Variants in SLC29A1 observed in about 807,000 individuals in gnomAD.
SLC29A1 encodes solute carrier family 29 member 1 (Augustine blood group).
In SLC29A1, 22 loss-of-function variants were observed where a neutral mutation model predicts 48.3. The ratio of observed to expected loss-of-function variants is 0.46; its 90% CI spans 0.33 to 0.65. The LOEUF (loss-of-function observed/expected upper bound fraction) is 0.65, where lower values mean the gene tolerates loss of function less well. SLC29A1 is among the 30% of genes least tolerant of loss of function. The pLI, the probability that SLC29A1 is intolerant of heterozygous loss-of-function variation, is 0.03. For missense variants in SLC29A1, 491 were observed against 575.3 expected (o/e 0.85, Z 1.50); for synonymous variants, 228 against 231.0 (o/e 0.99, Z 0.12).
At position 44,233,667 on chromosome 6, in the gene SLC29A1, G is replaced by A; in HGVS notation, c.*139G>A. Reference sequence around the variant, plus strand: ...CTTTCCACGGCGTGTGCTGGGCCCGGATCTCCAGGCCCTGGGGAGGGAGCC... The same window carrying A: ...CTTTCCACGGCGTGTGCTGGGCCCGAATCTCCAGGCCCTGGGGAGGGAGCC... On this transcript the variant is annotated 3_prime_UTR_variant, in exon 13 of 13. Transcript: ENST00000371755. The A allele has an allele frequency of 1.5e-6, 1 of 683,626 alleles. No homozygotes were observed. The highest frequency in any genetic ancestry group is 1.7e-5 in the South Asian group (1 of 57,200). The allele number at this position is 683,626 out of a possible 1,614,324, so 42.3% of individuals were successfully genotyped here. A position where few individuals can be genotyped will look rare whatever the true frequency, so the allele number is the denominator to read the frequency against.
At chr6:44,231,597 G>A (rs573983698) in intron 9 of SLC29A1, 136 bp downstream of exon 9, 33 of 645,826 alleles carry the variant, frequency 5.1e-5, no homozygotes, top group Admixed American at 1.6e-4. Flanking sequence ...GTGTGCGTGC[G>A]TGCCCATGCG....
Position 44,231,457 on chromosome 6 carries a change from A to G in SLC29A1, c.860A>G (p.Lys287Arg). ...AGCCACTCTATCAAAGCCATCCTGAAAAATGTACGTAGGGGAGGTTATCCT... is the reference window on the plus strand; with the variant it reads ...AGCCACTCTATCAAAGCCATCCTGAGAAATGTACGTAGGGGAGGTTATCCT... ...NESHSIKAIL[K>R]NISVLAFSVC... is the part of the protein sequence containing the mutation. Residue 287 changes from lysine to arginine, a missense_variant, in exon 9 of 13, where the codon AAA (lysine) becomes AGA (arginine). Physicochemically the swap from Lys to Arg is conservative, Grantham distance 26. Transcript: ENST00000371755. 1 of 1,596,178 alleles carries G rather than the reference A, an allele frequency of 6.3e-7. No individual in the cohort carries two copies. The highest frequency in any genetic ancestry group is 8.6e-7 in the Non-Finnish European group (1 of 1,166,518).
At position 44,227,299 on chromosome 6, in the gene SLC29A1, G is replaced by C. The variant is rs757518519; in HGVS notation, c.-15G>C. ...AGGGAGCTGTCAGCCAGGGAAAACC[G>C]AGAACACCATCACCATGACAACCAG... On this transcript the variant is annotated 5_prime_UTR_variant, in exon 2 of 13. Coordinates refer to ENST00000371755, the MANE Select transcript of SLC29A1 (RefSeq NM_001372327.1). 6.2e-7 allele frequency: 1 copy of C among 1,614,116 alleles called. No individual in the cohort carries two copies.
upstream of SLC29A1, among the ~76,000 whole-genome samples, chr6:44,222,229 C>T (rs1226429460): frequency 6.6e-6 from 1 of 150,944 alleles, no homozygotes; most frequent in Non-Finnish European, 1.5e-5. Context: ...CATCTTCCTG[C>T]CCTCTGGTTA....
chr6:44,230,154 G>A, intron 5 of SLC29A1, 108 bp downstream of exon 5: 1 of 1,517,010 alleles, frequency 6.6e-7, no homozygotes, highest in Non-Finnish European at 9.0e-7. Context: ...CGCCTGGAGG[G>A]AGTGGATGCT....
intron 8 of SLC29A1, 101 bp downstream of exon 8, chr6:44,230,990 C>A: frequency 1.1e-6 from 1 of 908,728 alleles, no homozygotes; most frequent in Non-Finnish European, 1.8e-6. Flanking sequence ...TAGCTAGCAG[C>A]CCTGAGCCAG....
At chr6:44,233,247 C>T (rs187354145) in intron 12 of SLC29A1, among the ~76,000 whole-genome samples, 170 bp from the exon 13 acceptor site, 4 of 152,242 alleles carry the variant, frequency 2.6e-5, no homozygotes, top group South Asian at 2.1e-4. Flanking sequence ...CCACCATACA[C>T]GTTCCCTCAA....
At chr6:44,227,193 C>A in intron 1 of SLC29A1, 70 bp from the exon 2 acceptor site, 1 of 1,492,906 alleles carries the variant, frequency 6.7e-7, no homozygotes, top group Non-Finnish European at 9.2e-7. Flanking sequence ...TGCCCCCTCT[C>A]CCCCTAAGAG....
chr6:44,232,711 T>C lies in SLC29A1; in HGVS notation c.1060-96T>C. ...CTAAGGAGAACCAGGCTTTGAGGTTTCAGTTCAGATCCTGAGGGGCCCCAG... is the reference window on the plus strand; with the variant it reads ...CTAAGGAGAACCAGGCTTTGAGGTTCCAGTTCAGATCCTGAGGGGCCCCAG... On this transcript the variant is annotated intron_variant, in intron 11 of 12. Coordinates refer to ENST00000371755, the MANE Select transcript of SLC29A1 (RefSeq NM_001372327.1). This position sits in a 1 kb window ranked among gnomAD's most constrained non-coding sequence, Gnocchi z 4.7. The C allele has an allele frequency of 8.6e-7, 1 of 1,164,574 alleles. No individual in the cohort carries two copies. 72.1% of individuals were successfully genotyped at this position (1,164,574 alleles called of 1,614,324 possible). A position where few individuals can be genotyped will look rare whatever the true frequency, so the allele number is the denominator to read the frequency against.
chr6:44,232,011 C>CT lies in SLC29A1; in HGVS notation c.881dup (p.Ser295LeufsTer19), dbSNP rs1779013326. 1 of 1,613,276 alleles carries CT rather than the reference C, an allele frequency of 6.2e-7. No individual in the cohort carries two copies. On this transcript the variant is annotated frameshift_variant, in exon 10 of 13. Coordinates refer to ENST00000371755, the MANE Select transcript of SLC29A1 (RefSeq NM_001372327.1). LOFTEE classifies it high-confidence loss of function. This position sits in a 1 kb window ranked among gnomAD's most constrained non-coding sequence, Gnocchi z 4.7. ...CCTTCTATCTAGATCTCAGTCCTGG[C>CT]TTTCTCTGTCTGCTTCATCTTCACT...
At chr6:44,230,086 C>T (rs776411917) in intron 5 of SLC29A1, 40 bp downstream of exon 5, 2 of 1,598,466 alleles carry the variant, frequency 1.3e-6, no homozygotes, top group Non-Finnish European at 1.7e-6. Context: ...AGGAGGCATG[C>T]CCAACTACCC....
chr6:44,221,437 G>A (rs1048933978), upstream of SLC29A1: 34 of 357,852 alleles, frequency 9.5e-5, no homozygotes, highest in Non-Finnish European at 2.8e-5. The surrounding 1 kb of genome is among the most constrained non-coding windows in gnomAD (Gnocchi z 4.2). Context: ...GGGAGAGAGA[G>A]GACTGTGTGT....
chr6:44,231,606 C>A (rs1426940654), intron 9 of SLC29A1, 145 bp downstream of exon 9: 4 of 637,686 alleles, frequency 6.3e-6, no homozygotes, highest in Non-Finnish European at 1.1e-5. Flanking sequence ...CGTGCCCATG[C>A]GTGCGTGCCG....
intron 9 of SLC29A1, 84 bp downstream of exon 9, chr6:44,231,545 T>G: frequency 1.1e-6 from 1 of 870,294 alleles, no homozygotes; most frequent in Non-Finnish European, 1.9e-6. Flanking sequence ...ACCCATCTCC[T>G]CCCTTTCTGA....
Position 44,230,331 on chromosome 6 carries a change from C to T in SLC29A1, c.455-16C>T, listed in dbSNP as rs371979225. 59 of 1,606,684 alleles carry T rather than the reference C, an allele frequency of 3.7e-5. No homozygotes were observed. Among genetic ancestry groups the T allele is most frequent in the South Asian group, 7.7e-5 (7 of 90,650 alleles). ...CAGCCCTAGCTCCCCTGCTCATGCCCGCCCTGTTTCCCCAGCATTTGGTGC... is the reference window on the plus strand; with the variant it reads ...CAGCCCTAGCTCCCCTGCTCATGCCTGCCCTGTTTCCCCAGCATTTGGTGC... On this transcript the variant is annotated splice_polypyrimidine_tract_variant and intron_variant, in intron 5 of 12. Coordinates refer to ENST00000371755, the MANE Select transcript of SLC29A1 (RefSeq NM_001372327.1).
In SLC29A1 at chr6:44,227,277, G is replaced by A. The variant is rs772949790; in HGVS notation, c.-37G>A. 2.5e-6 allele frequency: 4 copies of A among 1,613,806 alleles called. No individual in the cohort carries two copies. The African/African-American group carries it at 5.3e-5, about 22-fold the overall frequency. On this transcript the variant is annotated 5_prime_UTR_variant, in exon 2 of 13. Transcript: ENST00000371755. ...GCCCCCAGCAGGCCCCTGAGGGAGG[G>A]AGCTGTCAGCCAGGGAAAACCGAGA...
chr6:44,232,346 G>A lies in SLC29A1; in HGVS notation c.977G>A (p.Arg326His), dbSNP rs747025115. The A allele has an allele frequency of 7.4e-6, 12 of 1,611,336 alleles. No individual in the cohort carries two copies. The highest frequency in any genetic ancestry group is 4.0e-5 in the African/African-American group (3 of 74,846). Reference protein sequence around the residue: ...SSIAGSSTWERYFIPVSCFLT... With the variant: ...SSIAGSSTWEHYFIPVSCFLT... The stretch of plus-strand genomic sequence containing the variant: ...ACCCGTTCATCTCCTCTTCCAGAAC[G>A]TTACTTCATTCCTGTGTCCTGTTTC... The change falls in exon 11 of 13, where the codon CGT (arginine) becomes CAT (histidine). Residue 326 changes from arginine to histidine, a missense_variant. Coordinates refer to ENST00000371755, the MANE Select transcript of SLC29A1 (RefSeq NM_001372327.1). This position sits in a 1 kb window ranked among gnomAD's most constrained non-coding sequence, Gnocchi z 4.7.
rs560062705 is a variant in SLC29A1, at chr6:44,229,275, G to C, written c.30-115G>C. 2.5e-5 allele frequency: 20 copies of C among 810,262 alleles called. No homozygotes were observed. In the African/African-American group the frequency reaches 2.5e-4, roughly 10 times the overall value. The allele number at this position is 810,262 out of a possible 1,614,324, so 50.2% of individuals were successfully genotyped here. ...CATGCAAACGGACACAAACACAGAC[G>C]CCCTGTGCCCTGGGACCTAGAGAGA... On this transcript the variant is annotated intron_variant, in intron 2 of 12. Transcript: ENST00000371755. The surrounding 1 kb of genome is among the most constrained non-coding windows in gnomAD (Gnocchi z 5.1).
chr6:44,232,118 A>G lies in SLC29A1; in HGVS notation c.973+12A>G. On this transcript the variant is annotated intron_variant, in intron 10 of 12. Coordinates refer to ENST00000371755, the MANE Select transcript of SLC29A1 (RefSeq NM_001372327.1). The surrounding 1 kb of genome is among the most constrained non-coding windows in gnomAD (Gnocchi z 4.7). Reference sequence around the variant, plus strand: ...CAGCAGCACCTGGGGTGAGGATGCCACAGGTTTCCAGGATGGGAACAGACA... The same window carrying G: ...CAGCAGCACCTGGGGTGAGGATGCCGCAGGTTTCCAGGATGGGAACAGACA... 1 of 1,590,982 alleles carries G rather than the reference A, an allele frequency of 6.3e-7. No homozygotes were observed. The highest frequency in any genetic ancestry group is 8.6e-7 in the Non-Finnish European group (1 of 1,158,952).
Sources: allele counts gnomAD v4.1 joint callset (sites outside exome capture counted in the v4.1 genomes callset), GRCh38; gene constraint gnomAD v4.1.1; non-coding constraint Gnocchi (gnomAD v3.1); transcripts MANE v1.5; gene names NCBI Gene and HGNC (gene_info 2026-07-23, HGNC 2026-07-21).